Variants in DNM2 observed in about 807,000 individuals in gnomAD.
DNM2 encodes dynamin-2.
A neutral mutation model predicts 99.0 loss-of-function variants in DNM2; 15 were observed. The observed-to-expected ratio is 0.15, with a 90% CI of 0.10 to 0.23. The LOEUF is 0.23. Among genes scored for constraint, DNM2 ranks in the 10% least tolerant of loss-of-function variants. The pLI is 1.00. For missense variants in DNM2, 742 were observed against 1,189.4 expected (o/e 0.62, Z 5.53); for synonymous variants, 525 against 481.2 (o/e 1.09, Z -1.19).
At chr19:10,725,071 C>T (rs1305042774) in intron 1 of DNM2, among the ~76,000 whole-genome samples, 1 of 152,184 alleles carries the variant, frequency 6.6e-6, no homozygotes. Context: ...TTTAACAGAT[C>T]TTATTAGTTT....
At chr19:10,779,920 C>CT in intron 5 of DNM2, among the ~76,000 whole-genome samples, 1 of 152,116 alleles carries the variant, frequency 6.6e-6, no homozygotes, top group South Asian at 2.1e-4. Context: ...TCCCAAAATG[C>CT]TGGGATTAAA....
chr19:10,731,794 T>TGGGCGGAAGCCAGTC lies in DNM2; in HGVS notation c.161+13392_161+13406dup, dbSNP rs982404120. On this transcript the variant is annotated intron_variant, in intron 1 of 20. Transcript: ENST00000389253. ...TTGCAACACTGAGTTCCCCGTTGTC[T>TGGGCGGAAGCCAGTC]GGGCGGAAGCCAGTCAGACGGAAGC... Among the ~76,000 whole-genome samples the TGGGCGGAAGCCAGTC allele has an allele frequency of 1.2e-4, 19 of 152,354 alleles. No homozygotes were observed. The East Asian group carries it at 2.7e-3, about 22-fold the overall frequency.
At chr19:10,722,490 A>G (rs1599412157) in intron 1 of DNM2, among the ~76,000 whole-genome samples, 1 of 151,752 alleles carries the variant, frequency 6.6e-6, no homozygotes, top group Non-Finnish European at 1.5e-5. Context: ...GACTGCAGGC[A>G]CCCGCCACCA....
At chr19:10,750,383 G>A (rs2070149973) in intron 1 of DNM2, among the ~76,000 whole-genome samples, 1 of 152,098 alleles carries the variant, frequency 6.6e-6, no homozygotes, top group Non-Finnish European at 1.5e-5. Context: ...GGAGGCTGAG[G>A]TGGGAAGTTC....
At chr19:10,784,671 G>A (rs1219915638) in intron 6 of DNM2, among the ~76,000 whole-genome samples, 1 of 152,148 alleles carries the variant, frequency 6.6e-6, no homozygotes, top group African/African-American at 2.4e-5. Flanking sequence ...CATAGACGGG[G>A]GTCGATGGCC....
chr19:10,731,510 G>A (rs965098410), intron 1 of DNM2, among the ~76,000 whole-genome samples: 5 of 151,818 alleles, frequency 3.3e-5, no homozygotes, highest in Admixed American at 6.6e-5. Context: ...GCACCACCAC[G>A]CCTGGCTAAT....
chr19:10,723,132 A>AT (rs1203412676), intron 1 of DNM2, among the ~76,000 whole-genome samples: 11,862 of 113,902 alleles, frequency 0.1, 781 homozygotes, highest in African/African-American at 0.17. Context: ...CACCTGGCTA[A>AT]TTTTTTTTTT....
intron 6 of DNM2, among the ~76,000 whole-genome samples, chr19:10,785,661 A>G (rs1358062763): frequency 6.6e-6 from 1 of 151,902 alleles, no homozygotes; most frequent in African/African-American, 2.4e-5. Context: ...GGCTGGTCTC[A>G]AACGCCTATC....
chr19:10,767,491 T>C (rs986737770), intron 2 of DNM2, among the ~76,000 whole-genome samples: 3 of 152,222 alleles, frequency 2.0e-5, no homozygotes, highest in Non-Finnish European at 2.9e-5. Flanking sequence ...TTTAATTTTT[T>C]TGTACATGTA....
At chr19:10,799,188 T>C (rs1454221912) in intron 11 of DNM2, among the ~76,000 whole-genome samples, 4 of 152,118 alleles carry the variant, frequency 2.6e-5, no homozygotes, top group African/African-American at 9.7e-5. Context: ...GGTCGTGCCA[T>C]CGCCCTCCAG....
rs1366329208 is a variant in DNM2, at chr19:10,811,214, C to A, written c.1558-1050C>A. 1 of 179,786 alleles carries A rather than the reference C, an allele frequency of 5.6e-6. No individual in the cohort carries two copies. The highest frequency in any genetic ancestry group is 1.2e-5 in the Non-Finnish European group (1 of 84,006). 11.1% of individuals were successfully genotyped at this position (179,786 alleles called of 1,614,324 possible). ...TAGCCACCTCCGTCTTCATGGCCAC[C>A]TGGGGCTTAGCACTCACATCCAGCC... On this transcript the variant is annotated intron_variant, in intron 14 of 20. Transcript: ENST00000389253. The surrounding 1 kb of genome is among the most constrained non-coding windows in gnomAD (Gnocchi z 5.4).
At chr19:10,753,341 T>C (rs560957853) in intron 1 of DNM2, among the ~76,000 whole-genome samples, 15 of 151,982 alleles carry the variant, frequency 9.9e-5, no homozygotes, top group Non-Finnish European at 2.2e-4. Flanking sequence ...CCTTTGGTTG[T>C]CTTAGTCACA....
chr19:10,773,620 T>A (rs2071055093), intron 3 of DNM2, among the ~76,000 whole-genome samples: 1 of 151,668 alleles, frequency 6.6e-6, no homozygotes, highest in South Asian at 2.1e-4. Context: ...GGCTAATTTT[T>A]TTTTTATTTT....
At chr19:10,741,650 CGCCATTCTCCT>C (rs2069754742) in intron 1 of DNM2, among the ~76,000 whole-genome samples, 1 of 151,854 alleles carries the variant, frequency 6.6e-6, no homozygotes, top group South Asian at 2.1e-4. Context: ...CCCGGGTTCA[CGCCATTCTCCT>C]GCCTCAGCCT....
rs796558589 is a variant in DNM2, at chr19:10,764,938, T to C, written c.235+5127T>C. Among the ~76,000 whole-genome samples the C allele has an allele frequency of 1.3e-5, 2 of 151,628 alleles. No homozygotes were observed. The highest frequency in any genetic ancestry group is 2.1e-4 in the South Asian group (1 of 4,804). ...CCCCGGTCCCCGGCAGCACGAGTTA[T>C]CCTGTTCTTGTTTTTTCTTTTTCTT... On this transcript the variant is annotated intron_variant, in intron 2 of 20. Transcript: ENST00000389253. The surrounding 1 kb of genome is among the most constrained non-coding windows in gnomAD (Gnocchi z 4.1).
intron 3 of DNM2, among the ~76,000 whole-genome samples, chr19:10,773,712 C>T (rs1416658966): frequency 2.0e-5 from 3 of 151,938 alleles, no homozygotes; most frequent in East Asian, 3.9e-4. Flanking sequence ...AGGCAATCCA[C>T]CCACCTCAGA....
chr19:10,812,277 G>T lies in DNM2; in HGVS notation c.1571G>T (p.Gly524Val). 6.2e-7 allele frequency: 1 copy of T among 1,603,744 alleles called. No individual in the cohort carries two copies. The highest frequency in any genetic ancestry group is 8.5e-7 in the Non-Finnish European group (1 of 1,174,912). ...GCTTTCCCCCAGGTGATCCGCAGGG[G>T]CTGGCTGACCATCAACAACATCAGC... is the stretch of plus-strand genomic sequence containing the variant. ...NQGEILVIRR[G>V]WLTINNISLM... The change falls in exon 15 of 21, where the codon GGC becomes GTC. Residue 524 changes from glycine (G) to valine (V), a missense_variant. Gly to Val is a moderately radical substitution (Grantham distance 109, BLOSUM62 -3). Around this residue, in one of 7 missense-constraint regions of DNM2, gnomAD observed 240 missense variants for 431.3 expected, o/e 0.56. Coordinates refer to ENST00000389253, the MANE Select transcript of DNM2 (RefSeq NM_001005361.3). This position sits in a 1 kb window ranked among gnomAD's most constrained non-coding sequence, Gnocchi z 4.0.
chr19:10,825,248 G>A (rs1429064569), intron 18 of DNM2, 27 bp downstream of exon 18: 1 of 1,612,758 alleles, frequency 6.2e-7, no homozygotes, highest in Non-Finnish European at 8.5e-7. Flanking sequence ...AAATGAGAAG[G>A]AGGTAGCTGG....
chr19:10,718,600 C>G (rs1294148106), intron 1 of DNM2, 197 bp downstream of exon 1: 7 of 819,634 alleles, frequency 8.5e-6, no homozygotes, highest in Non-Finnish European at 1.1e-5. Flanking sequence ...GGAGCAGGCC[C>G]GGGCCCCAGG....
Sources: allele counts gnomAD v4.1 joint callset (sites outside exome capture counted in the v4.1 genomes callset), GRCh38; gene constraint gnomAD v4.1.1; regional missense constraint gnomAD v4.1.1; non-coding constraint Gnocchi (gnomAD v3.1); transcripts MANE v1.5; gene names NCBI Gene and HGNC (gene_info 2026-07-23, HGNC 2026-07-21).